The following PLCD3 variants were observed in gnomAD, a reference collection of about 807,000 sequenced individuals.
PLCD3 encodes the protein phospholipase C delta 3, also known as 1-phosphatidylinositol 4,5-bisphosphate phosphodiesterase delta-3.
Under a neutral mutation model 82.8 loss-of-function variants are expected in PLCD3, and 62 were observed. That is an observed-to-expected ratio of 0.75 (90% CI 0.61 to 0.93). The LOEUF (loss-of-function observed/expected upper bound fraction) is 0.93. PLCD3 is among the 40% of genes least tolerant of loss of function. The pLI is 0.00. For synonymous variants in PLCD3, 478 were observed against 471.8 expected (o/e 1.01, Z -0.17); for missense variants, 1,023 against 1,103.4 (o/e 0.93, Z 1.03).
intron 1 of PLCD3, among the ~76,000 whole-genome samples, chr17:45,123,035 G>A (rs60190251): frequency 0.033 from 5,045 of 152,188 alleles, 268 homozygotes; most frequent in African/African-American, 0.11. Flanking sequence ...CCCCTGTGTG[G>A]GCCAAAAGAA....
In PLCD3 at chr17:45,118,781, A is replaced by T. The variant is rs749711330; in HGVS notation, c.913+34T>A. The T allele has an allele frequency of 1.9e-6, 3 of 1,577,284 alleles. No individual in the cohort carries two copies. The African/African-American group carries it at 4.1e-5, about 21-fold the overall frequency. On this transcript the variant is annotated intron_variant, in intron 5 of 14. Coordinates refer to ENST00000619929, the MANE Select transcript of PLCD3 (RefSeq NM_133373.5). The surrounding 1 kb of genome is among the most constrained non-coding windows in gnomAD (Gnocchi z 4.1). ...GCTTAGCTGGGAACACAGCCCTTTC[A>T]GGTGCCACGACCTGGCCGTGCCACC... is the stretch of plus-strand genomic sequence containing the variant.
chr17:45,131,930 G>A (rs2054458158), intron 1 of PLCD3, among the ~76,000 whole-genome samples: 1 of 152,068 alleles, frequency 6.6e-6, no homozygotes, highest in South Asian at 2.1e-4. Context: ...CCGGACGAGG[G>A]ACACCCCAAG....
At chr17:45,120,222 GC>G in intron 4 of PLCD3, 102 bp downstream of exon 4, 9 of 1,482,104 alleles carry the variant, frequency 6.1e-6, no homozygotes, top group Non-Finnish European at 8.3e-6. Context: ...CAAAAAAGCT[GC>G]AGGTGGAGAG....
In PLCD3 at chr17:45,130,481, C is replaced by T. The variant is rs577228438; in HGVS notation, c.163+1767G>A. Reference sequence around the variant, plus strand: ...GCATGGGGCCTCCCCTCAGCCCTTCCGCGGCACCCGTGACCCTGCCAGGGC... The same window carrying T: ...GCATGGGGCCTCCCCTCAGCCCTTCTGCGGCACCCGTGACCCTGCCAGGGC... On this transcript the variant is annotated intron_variant, in intron 1 of 14. Transcript: ENST00000619929. Among the ~76,000 whole-genome samples, 88 of 152,286 alleles carry T rather than the reference C, an allele frequency of 5.8e-4. 1 individual carries two copies. The South Asian group carries it at 0.013, about 23-fold the overall frequency.
intron 4 of PLCD3, 40 bp downstream of exon 4, chr17:45,120,285 A>G: frequency 6.2e-7 from 1 of 1,612,862 alleles, no homozygotes; most frequent in Non-Finnish European, 8.5e-7. Context: ...GGTCAGAGTG[A>G]TGGCAGAGCC....
In PLCD3 at chr17:45,113,622, G is replaced by C. The variant is rs1236420832; in HGVS notation, c.1829-17C>G. The C allele has an allele frequency of 6.4e-7, 1 of 1,553,014 alleles. No individual in the cohort carries two copies. The highest frequency in any genetic ancestry group is 8.7e-7 in the Non-Finnish European group (1 of 1,147,846). On this transcript the variant is annotated splice_polypyrimidine_tract_variant and intron_variant, in intron 11 of 14. Coordinates refer to ENST00000619929, the MANE Select transcript of PLCD3 (RefSeq NM_133373.5). Reference sequence around the variant, plus strand: ...TCAAGGCCACTGTGGACACAGCAGGGTCAGAGCAGGGGCTCTTAGCGGCCC... The same window carrying C: ...TCAAGGCCACTGTGGACACAGCAGGCTCAGAGCAGGGGCTCTTAGCGGCCC...
chr17:45,114,946 C>CGG, intron 10 of PLCD3, 148 bp downstream of exon 10: 1 of 1,194,620 alleles, frequency 8.4e-7, no homozygotes, highest in Non-Finnish European at 1.1e-6. Context: ...CTGGCATGTG[C>CGG]GGGGCCCTCA....
chr17:45,120,929 G>A lies in PLCD3; in HGVS notation c.527C>T (p.Ala176Val), dbSNP rs2054332299. 6.9e-7 allele frequency: 1 copy of A among 1,456,640 alleles called. No individual in the cohort carries two copies. Among genetic ancestry groups the A allele is most frequent in the Non-Finnish European group, 9.0e-7 (1 of 1,111,966 alleles). 90.2% of individuals were successfully genotyped at this position (1,456,640 alleles called of 1,614,324 possible). A position where few individuals can be genotyped will look rare whatever the true frequency, so the allele number is the denominator to read the frequency against. ...GLTKLRARLDAMSQRERLDHW... is the reference protein window; with the variant it reads ...GLTKLRARLDVMSQRERLDHW... Reference sequence around the variant, plus strand: ...GTCTAGCCGCTCGCGCTGGCTCATGGCGTCCAGGCGCGCGCGGAGCTTGGT... The same window carrying A: ...GTCTAGCCGCTCGCGCTGGCTCATGACGTCCAGGCGCGCGCGGAGCTTGGT... The change falls in exon 3 of 15, where the codon GCC becomes GTC. Residue 176 changes from alanine (A) to valine (V), a missense_variant. Ala to Val is a moderately conservative substitution (Grantham distance 64, BLOSUM62 0). Around this residue, in one of 3 missense-constraint regions of PLCD3, gnomAD observed 448 missense variants for 406.3 expected, o/e 1.10. Transcript: ENST00000619929.
At chr17:45,124,708 C>T (rs1041413909) in intron 1 of PLCD3, among the ~76,000 whole-genome samples, 1 of 152,258 alleles carries the variant, frequency 6.6e-6, no homozygotes, top group Non-Finnish European at 1.5e-5. Context: ...CCACAGATGT[C>T]GCCTTGACCT....
chr17:45,116,805 G>C, intron 7 of PLCD3, 21 bp from the exon 8 acceptor site: 1 of 1,555,676 alleles, frequency 6.4e-7, no homozygotes, highest in Admixed American at 1.8e-5. Context: ...AAGGGCAGCA[G>C]CTCAGAGCCA....
intron 1 of PLCD3, among the ~76,000 whole-genome samples, chr17:45,130,421 C>T (rs1567885588): frequency 6.6e-6 from 1 of 152,190 alleles, no homozygotes; most frequent in African/African-American, 2.4e-5. Flanking sequence ...CCACTAATGG[C>T]GCTCAGCAAA....
Position 45,118,811 on chromosome 17 carries a change from C to A in PLCD3, c.913+4G>T. 2 of 1,598,398 alleles carry A rather than the reference C, an allele frequency of 1.3e-6. No individual in the cohort carries two copies. Among genetic ancestry groups the A allele is most frequent in the South Asian group, 1.1e-5 (1 of 90,612 alleles). ...CCACGACCTGGCCGTGCCACCCCCC[C>A]CACCTGTCTCGTTGAGCTCATAGGT... On this transcript the variant is annotated splice_donor_region_variant and intron_variant, in intron 5 of 14. Transcript: ENST00000619929. This position sits in a 1 kb window ranked among gnomAD's most constrained non-coding sequence, Gnocchi z 4.1.
intron 1 of PLCD3, among the ~76,000 whole-genome samples, chr17:45,125,031 A>G (rs1395494619): frequency 1.3e-5 from 2 of 152,124 alleles, no homozygotes; most frequent in Non-Finnish European, 2.9e-5. Context: ...TCTCTACAAA[A>G]AATAAAAAAC....
chr17:45,118,876 C>T lies in PLCD3; in HGVS notation c.852G>A (p.Glu284=). 1 of 1,612,342 alleles carries T rather than the reference C, an allele frequency of 6.2e-7. No homozygotes were observed. The change falls in exon 5 of 15, where the codon GAG becomes GAA. Residue 284 remains glutamate, a synonymous_variant. Coordinates refer to ENST00000619929, the MANE Select transcript of PLCD3 (RefSeq NM_133373.5). The surrounding 1 kb of genome is among the most constrained non-coding windows in gnomAD (Gnocchi z 4.1). ...ELLEFLEDQG[E]EGATLARAQQ... ...GGGCGCGGGCCAGTGTGGCGCCCTC[C>T]TCGCCCTGGTCCTCCAGGAACTCCA...
Position 45,112,457 on chromosome 17 carries a change from A to C in PLCD3, c.*159T>G, listed in dbSNP as rs998834205. The C allele has an allele frequency of 7.7e-6, 6 of 778,378 alleles. No individual in the cohort carries two copies. The highest frequency in any genetic ancestry group is 1.1e-5 in the Non-Finnish European group (5 of 475,170). The allele number at this position is 778,378 out of a possible 1,614,324, so 48.2% of individuals were successfully genotyped here. A position where few individuals can be genotyped will look rare whatever the true frequency, so the allele number is the denominator to read the frequency against. On this transcript the variant is annotated 3_prime_UTR_variant, in exon 15 of 15. Transcript: ENST00000619929. ...TTCAGGAGGGGCCCAGGCAGCCCTC[A>C]GCACCCAGGTGAGACCAGCGCCTGG...
chr17:45,122,767 T>C (rs1299581566), intron 1 of PLCD3, among the ~76,000 whole-genome samples: 2 of 152,172 alleles, frequency 1.3e-5, no homozygotes, highest in Non-Finnish European at 2.9e-5. Context: ...GAACACGTGA[T>C]GCCCAGCCCA....
Position 45,112,536 on chromosome 17 carries a change from C to G in PLCD3, c.*80G>C. The G allele has an allele frequency of 3.5e-6, 5 of 1,433,892 alleles. No homozygotes were observed. Among genetic ancestry groups the G allele is most frequent in the Non-Finnish European group, 4.8e-6 (5 of 1,043,492 alleles). The allele number at this position is 1,433,892 out of a possible 1,614,324, so 88.8% of individuals were successfully genotyped here. A position where few individuals can be genotyped will look rare whatever the true frequency, so the allele number is the denominator to read the frequency against. ...GGCTGGGGGGCTGGTACTCCCACCA[C>G]CTGACTCCAGAGGAGGAGAGGGCTC... On this transcript the variant is annotated 3_prime_UTR_variant, in exon 15 of 15. Transcript: ENST00000619929.
rs368835922 is a variant in PLCD3, at chr17:45,115,499, G to A, written c.1414-9C>T. 2.4e-5 allele frequency: 39 copies of A among 1,603,278 alleles called. No individual in the cohort carries two copies. The highest frequency in any genetic ancestry group is 1.1e-4 in the South Asian group (10 of 89,384). On this transcript the variant is annotated splice_polypyrimidine_tract_variant and intron_variant, in intron 8 of 14. Coordinates refer to ENST00000619929, the MANE Select transcript of PLCD3 (RefSeq NM_133373.5). The stretch of plus-strand genomic sequence containing the variant: ...ACCCGGCCCTTCAGCTGCTGTGGGG[G>A]CCAACGTGGAGGATGAAGGGTTAGG...
rs2054257095 is a variant in PLCD3, at chr17:45,112,902, C to T, written c.2242G>A (p.Val748Met). ...DYDATSPNDF[V>M]GQFTLPLSSL... ...CTAAGAGGCAGTGTAAACTGGCCCACAAAGTCATTGGGGGAGGTGGCGTCA... is the reference window on the plus strand; with the variant it reads ...CTAAGAGGCAGTGTAAACTGGCCCATAAAGTCATTGGGGGAGGTGGCGTCA... Residue 748 changes from valine (V) to methionine (M), a missense_variant, in exon 14 of 15, where the codon GTG becomes ATG. Val to Met is a conservative substitution (Grantham distance 21, BLOSUM62 1). Coordinates refer to ENST00000619929, the MANE Select transcript of PLCD3 (RefSeq NM_133373.5). The T allele has an allele frequency of 6.2e-7, 1 of 1,612,642 alleles. No homozygotes were observed. The highest frequency in any genetic ancestry group is 1.3e-5 in the African/African-American group (1 of 75,000).
Sources: gnomAD v4.1 joint callset for allele counts (sites outside exome capture counted in the v4.1 genomes callset) on GRCh38, gnomAD v4.1.1 for gene constraint, gnomAD v4.1.1 regional missense constraint, Gnocchi (gnomAD v3.1) non-coding constraint, MANE v1.5 for transcripts, NCBI Gene and HGNC (gene_info 2026-07-23, HGNC 2026-07-21) for gene names.